The following NSUN6 variants were observed in gnomAD, a reference collection of about 807,000 sequenced individuals.
The protein encoded by NSUN6 is tRNA (cytosine(72)-C(5))-methyltransferase NSUN6.
A neutral mutation model predicts 58.0 loss-of-function variants in NSUN6; 64 were observed. The observed-to-expected ratio is 1.10, with a 90% confidence interval of 0.90 to 1.36. NSUN6 has a LOEUF of 1.36. Among genes scored for constraint, NSUN6 ranks in the 40% most tolerant of loss-of-function variants. NSUN6 has a pLI of 0.00. For missense variants in NSUN6, 701 were observed against 550.1 expected (o/e 1.27, Z -2.74); for synonymous variants, 231 against 193.9 (o/e 1.19, Z -1.59).
chr10:18,600,418 G>A (rs1257283509), intron 6 of NSUN6, among the ~76,000 whole-genome samples: 7 of 151,852 alleles, frequency 4.6e-5, no homozygotes, highest in African/African-American at 1.7e-4. Flanking sequence ...TCAGGCCAGG[G>A]GTTCCAGACC....
At chr10:18,636,092 T>G (rs2059205304) in intron 3 of NSUN6, among the ~76,000 whole-genome samples, 1 of 151,936 alleles carries the variant, frequency 6.6e-6, no homozygotes, top group South Asian at 2.1e-4. Flanking sequence ...CTATGTGGCC[T>G]GAACAACCAG....
intron 7 of NSUN6, among the ~76,000 whole-genome samples, chr10:18,590,545 TAAC>T (rs1198203569): frequency 1.3e-5 from 2 of 152,132 alleles, no homozygotes; most frequent in Non-Finnish European, 2.9e-5. Context: ...ATGGAAATCA[TAAC>T]AAACAGTCTC....
At chr10:18,640,999 A>C (rs553895333) in intron 3 of NSUN6, among the ~76,000 whole-genome samples, 32 of 152,252 alleles carry the variant, frequency 2.1e-4, no homozygotes, top group Non-Finnish European at 4.3e-4. Context: ...CATGTAAATA[A>C]ATATACATAA....
chr10:18,590,506 G>A (rs1013241110), intron 7 of NSUN6, among the ~76,000 whole-genome samples: 1 of 152,172 alleles, frequency 6.6e-6, no homozygotes, highest in African/African-American at 2.4e-5. Context: ...ATAACTGGGA[G>A]TAAAACACTC....
chr10:18,556,144 T>G (rs2055000585), intron 8 of NSUN6, among the ~76,000 whole-genome samples: 1 of 142,808 alleles, frequency 7.0e-6, no homozygotes, highest in Admixed American at 7.0e-5. Context: ...GAATGGAGAA[T>G]GGAATGGAAT....
chr10:18,606,072 TAATA>T (rs2058038277), intron 6 of NSUN6, among the ~76,000 whole-genome samples: 1 of 152,194 alleles, frequency 6.6e-6, no homozygotes, highest in African/African-American at 2.4e-5. Context: ...GCCTGATGCA[TAATA>T]AATATTTTAA....
At chr10:18,583,176 T>C (rs2056980536) in intron 8 of NSUN6, among the ~76,000 whole-genome samples, 1 of 152,200 alleles carries the variant, frequency 6.6e-6, no homozygotes, top group Non-Finnish European at 1.5e-5. Context: ...GACATTCTTC[T>C]TCTGGACAAT....
At chr10:18,652,685 G>C (rs12780652), upstream of NSUN6, 1 of 573,312 alleles carries the variant, frequency 1.7e-6, no homozygotes, top group Non-Finnish European at 2.2e-6. Context: ...TTGGCCTCCC[G>C]AGTAGCTAAA....
chr10:18,624,912 A>C (rs2058738447), intron 3 of NSUN6, among the ~76,000 whole-genome samples: 1 of 152,160 alleles, frequency 6.6e-6, no homozygotes, highest in South Asian at 2.1e-4. Context: ...ACACATGTTT[A>C]TTCGGAGCAC....
intron 7 of NSUN6, among the ~76,000 whole-genome samples, chr10:18,594,546 C>T (rs10828970): frequency 0.61 from 92,927 of 151,708 alleles, 28,865 homozygotes; most frequent in East Asian, 0.98. Flanking sequence ...CCTCCCAGGT[C>T]CAAGCGATTC....
chr10:18,586,139 T>C, intron 7 of NSUN6, 46 bp from the exon 8 acceptor site: 1 of 1,415,004 alleles, frequency 7.1e-7, no homozygotes, highest in Non-Finnish European at 9.5e-7. Flanking sequence ...AAAAAGAAAA[T>C]TATAAATCCA....
At chr10:18,572,421 C>G (rs904015068) in intron 8 of NSUN6, among the ~76,000 whole-genome samples, 7 of 150,996 alleles carry the variant, frequency 4.6e-5, no homozygotes, top group African/African-American at 1.7e-4. Context: ...CCATTCTATT[C>G]CATTCCCCAT....
At chr10:18,569,798 T>C (rs1215141223) in intron 8 of NSUN6, among the ~76,000 whole-genome samples, 1 of 151,620 alleles carries the variant, frequency 6.6e-6, no homozygotes, top group African/African-American at 2.4e-5. Flanking sequence ...CCATTCTCCA[T>C]TCCATTCCAT....
intron 8 of NSUN6, among the ~76,000 whole-genome samples, chr10:18,571,133 C>T (rs1286202667): frequency 1.3e-5 from 2 of 150,704 alleles, no homozygotes; most frequent in Non-Finnish European, 3.0e-5. Context: ...ATTCCATTCT[C>T]CATTCCACTA....
intron 5 of NSUN6, among the ~76,000 whole-genome samples, chr10:18,613,076 G>A (rs902510584): frequency 2.1e-4 from 32 of 152,102 alleles, no homozygotes; most frequent in African/African-American, 7.2e-4. Context: ...CAGTATAACT[G>A]AATAAATTGA....
At chr10:18,574,069 T>C (rs2056528982) in intron 8 of NSUN6, among the ~76,000 whole-genome samples, 2 of 152,084 alleles carry the variant, frequency 1.3e-5, no homozygotes, top group Admixed American at 1.3e-4. Flanking sequence ...TCCACCTTTT[T>C]GTTAATGTGG....
chr10:18,620,145 T>C (rs913720833), intron 3 of NSUN6, among the ~76,000 whole-genome samples: 2 of 151,854 alleles, frequency 1.3e-5, no homozygotes, highest in African/African-American at 4.8e-5. Context: ...TGGAGTGCAG[T>C]TGCGCCATCT....
rs1338662978 is a variant in NSUN6, at chr10:18,545,608, C to T, written c.*325G>A. 1 of 179,616 alleles carries T rather than the reference C, an allele frequency of 5.6e-6. No homozygotes were observed. Among genetic ancestry groups the T allele is most frequent in the African/African-American group, 2.4e-5 (1 of 42,098 alleles). 11.1% of individuals were successfully genotyped at this position (179,616 alleles called of 1,614,324 possible). A position where few individuals can be genotyped will look rare whatever the true frequency, so the allele number is the denominator to read the frequency against. ...TTTTGTTAGATTCACTAATTTTTAA[C>T]ATTAAAAATGACTTGTACACTTTAC... On this transcript the variant is annotated 3_prime_UTR_variant, in exon 11 of 11. Transcript: ENST00000377304.
At chr10:18,627,121 A>G (rs1320939937) in intron 3 of NSUN6, among the ~76,000 whole-genome samples, 1 of 152,226 alleles carries the variant, frequency 6.6e-6, no homozygotes, top group Non-Finnish European at 1.5e-5. Context: ...ATTACCAGAC[A>G]AAAATCTTCT....
Sources: gnomAD v4.1 joint callset for allele counts (sites outside exome capture counted in the v4.1 genomes callset) on GRCh38, gnomAD v4.1.1 for gene constraint, MANE v1.5 for transcripts, NCBI Gene and HGNC (gene_info 2026-07-23, HGNC 2026-07-21) for gene names.